QSER1: variants seen among roughly 807,000 people sequenced by gnomAD.
QSER1 encodes the protein glutamine and serine rich 1.
Under a neutral mutation model 158.5 loss-of-function variants are expected in QSER1, and 49 were observed. The observed-to-expected ratio is 0.31, with a 90% CI of 0.25 to 0.39. QSER1 has a LOEUF of 0.39. Ranked by LOEUF, QSER1 falls within the 10% of genes least tolerant of loss-of-function variation. The pLI, the probability that QSER1 is intolerant of heterozygous loss-of-function variation, is 1.00. For missense variants in QSER1, 1,754 were observed against 2,010.3 expected, an observed-to-expected ratio of 0.87 and a Z score of 2.44; for synonymous variants, 650 against 715.5, an observed-to-expected ratio of 0.91 and a Z score of 1.46.
At chr11:32,916,573 C>T (rs923728697) in intron 1 of QSER1, among the ~76,000 whole-genome samples, 1 of 152,042 alleles carries the variant, frequency 6.6e-6, no homozygotes, top group South Asian at 2.1e-4. Context: ...ACTGTACACA[C>T]CTAGGCTATA....
chr11:32,953,809 GT>G, intron 4 of QSER1, 47 bp from the exon 5 acceptor site: 1 of 1,544,658 alleles, frequency 6.5e-7, no homozygotes, highest in Non-Finnish European at 8.7e-7. Flanking sequence ...CAAAACAAGT[GT>G]TTAAATATTT....
intron 10 of QSER1, among the ~76,000 whole-genome samples, chr11:32,971,694 T>C (rs1370683280): frequency 2.0e-5 from 3 of 152,154 alleles, no homozygotes; most frequent in Non-Finnish European, 4.4e-5. Context: ...AAAAGTGTTA[T>C]TGTTTCTATC....
chr11:32,906,248 C>A (rs1851691530), intron 1 of QSER1, among the ~76,000 whole-genome samples: 1 of 151,512 alleles, frequency 6.6e-6, no homozygotes, highest in African/African-American at 2.4e-5. Context: ...TATGGTGAAA[C>A]CCTGTCTTTA....
intron 1 of QSER1, among the ~76,000 whole-genome samples, chr11:32,922,160 A>G (rs1461251015): frequency 2.0e-5 from 3 of 152,178 alleles, no homozygotes; most frequent in Admixed American, 6.5e-5. Context: ...AAAACAGAAA[A>G]TCTTTGAGAT....
At chr11:32,954,493 A>C (rs1434892490) in intron 5 of QSER1, among the ~76,000 whole-genome samples, 1 of 152,190 alleles carries the variant, frequency 6.6e-6, no homozygotes, top group East Asian at 1.9e-4. Flanking sequence ...GAAAATCGTT[A>C]TTTATATAAT....
chr11:32,936,241 A>T (rs992646036), intron 4 of QSER1, among the ~76,000 whole-genome samples: 1 of 130,302 alleles, frequency 7.7e-6, no homozygotes, highest in African/African-American at 3.0e-5. Context: ...TCCTGTGCCC[A>T]TGTGTTCTCA....
chr11:32,945,346 T>A (rs1014098674), intron 4 of QSER1, among the ~76,000 whole-genome samples: 85 of 152,196 alleles, frequency 5.6e-4, no homozygotes, highest in Non-Finnish European at 9.4e-4. Context: ...GGTCTTTACA[T>A]TTTGGCATGA....
rs970101932 is a variant in QSER1 at position 32,935,381 on chromosome 11, G to A, written c.4123G>A (p.Val1375Ile). 2.1e-5 allele frequency: 34 copies of A among 1,593,372 alleles called. No individual in the cohort carries two copies. The highest frequency in any genetic ancestry group is 4.5e-5 in the East Asian group (2 of 44,804). The change falls in exon 4 of 13, where the codon GTC (valine) becomes ATC (isoleucine). Residue 1375 changes from valine (V) to isoleucine (I), a missense_variant. By Grantham distance (29) the Val-to-Ile change is conservative. Around this residue, in one of 2 missense-constraint regions of QSER1, gnomAD observed 1,707 missense variants for 1,919.6 expected, o/e 0.89. Coordinates refer to ENST00000650167, the MANE Select transcript of QSER1 (RefSeq NM_001076786.3). ...ATATAGTCAAGATGCTTATAAAAGC[G>A]TCTCTACTCCCTTAACTACTTTGGA... ...PGYSQDAYKSVSTPLTTLDAT... is the reference protein window; with the variant it reads ...PGYSQDAYKSISTPLTTLDAT...
chr11:32,894,578 C>A (rs1258885634), intron 1 of QSER1, among the ~76,000 whole-genome samples: 2 of 152,204 alleles, frequency 1.3e-5, no homozygotes, highest in Non-Finnish European at 2.9e-5. Flanking sequence ...GTTCTACGTT[C>A]ATGATTGAGC....
intron 9 of QSER1, among the ~76,000 whole-genome samples, chr11:32,967,376 T>C (rs934805215): frequency 6.6e-6 from 1 of 152,124 alleles, no homozygotes; most frequent in Non-Finnish European, 1.5e-5. Flanking sequence ...TGGGGTACAA[T>C]GTACACTACT....
chr11:32,932,680 T>C lies in QSER1; in HGVS notation c.1422T>C (p.Gly474=). 6.2e-7 allele frequency: 1 copy of C among 1,614,122 alleles called. No homozygotes were observed. The highest frequency in any genetic ancestry group is 8.5e-7 in the Non-Finnish European group (1 of 1,180,000). Residue 474 remains glycine (G), a synonymous_variant, in exon 4 of 13, where the codon GGT becomes GGC. Coordinates refer to ENST00000650167, the MANE Select transcript of QSER1 (RefSeq NM_001076786.3). The stretch of plus-strand genomic sequence containing the variant: ...CAGTTAGTCAGTCCCAAAATTACGG[T>C]TTAGTACAGCCACATAATGTGCCAT... ...LLSVSQSQNY[G]LVQPHNVPSI...
rs759183920 is a variant in QSER1, at chr11:32,975,320, G to A, written c.5431G>A (p.Val1811Ile). The change falls in exon 12 of 13, where the codon GTT (valine) becomes ATT (isoleucine). Residue 1811 changes from valine (V) to isoleucine (I), a missense_variant. Transcript: ENST00000650167. ...YHSLHHYKYHVYLICKDEISS... is the reference protein window; with the variant it reads ...YHSLHHYKYHIYLICKDEISS... ...TTCACTCCATCATTATAAGTACCAT[G>A]TTTATCTGATATGTAAGGATGAGGT... 4.4e-6 allele frequency: 7 copies of A among 1,596,318 alleles called. No individual in the cohort carries two copies. The highest frequency in any genetic ancestry group is 6.0e-6 in the Non-Finnish European group (7 of 1,164,878).
chr11:32,908,176 C>T (rs1380476151), intron 1 of QSER1, among the ~76,000 whole-genome samples: 1 of 152,092 alleles, frequency 6.6e-6, no homozygotes. Context: ...AAAATCTTGT[C>T]TTTGTCCAGA....
rs150493160 is a variant in QSER1 at position 32,929,922 on chromosome 11, C to G, written c.484+1799C>G. On this transcript the variant is annotated intron_variant, in intron 3 of 12. Coordinates refer to ENST00000650167, the MANE Select transcript of QSER1 (RefSeq NM_001076786.3). Reference sequence around the variant, plus strand: ...AGCTCCTTACTACCACTTTAAGCCCCAGATATTCTCTGTCCTTTCTAACTA... The same window carrying G: ...AGCTCCTTACTACCACTTTAAGCCCGAGATATTCTCTGTCCTTTCTAACTA... Among the ~76,000 whole-genome samples, 116 of 152,266 alleles carry G rather than the reference C, an allele frequency of 7.6e-4. 1 individual carries two copies. The Middle Eastern group carries it at 0.01, about 13-fold the overall frequency.
rs773817769 is a variant in QSER1, at chr11:32,933,784, G to A, written c.2526G>A (p.Gly842=). The A allele has an allele frequency of 1.2e-6, 2 of 1,613,944 alleles. No homozygotes were observed. Among genetic ancestry groups the A allele is most frequent in the Non-Finnish European group, 1.7e-6 (2 of 1,179,960 alleles). The part of the protein sequence containing the change: ...SQIQIPNHAL[G]HGHQASLPNT... ...TTCAAATTCCAAATCATGCTTTAGG[G>A]CATGGCCATCAGGCATCTCTTCCTA... Residue 842 remains glycine (G), a synonymous_variant, in exon 4 of 13, where the codon GGG becomes GGA. Coordinates refer to ENST00000650167, the MANE Select transcript of QSER1 (RefSeq NM_001076786.3).
rs1853008993 is a variant in QSER1 at position 32,978,120 on chromosome 11, T to C, written c.*1646T>C. The C allele has an allele frequency of 6.5e-6, 1 of 152,672 alleles. No homozygotes were observed. Among genetic ancestry groups the C allele is most frequent in the Non-Finnish European group, 1.5e-5 (1 of 68,044 alleles). The allele number at this position is 152,672 out of a possible 1,614,324, so 9.5% of individuals were successfully genotyped here. ...TATTAAAAGCAATAATCCTTAATAC[T>C]GTACTTGCCATTAGACTAGGTACTC... is the stretch of plus-strand genomic sequence containing the variant. On this transcript the variant is annotated 3_prime_UTR_variant, in exon 13 of 13. Transcript: ENST00000650167.
intron 4 of QSER1, among the ~76,000 whole-genome samples, chr11:32,942,008 C>T (rs1481848908): frequency 1.3e-5 from 2 of 150,710 alleles, no homozygotes; most frequent in African/African-American, 4.9e-5. Context: ...TTTCATGTGT[C>T]TTTTGGCTGC....
chr11:32,915,043 C>T (rs1378432677), intron 1 of QSER1, among the ~76,000 whole-genome samples: 1 of 152,076 alleles, frequency 6.6e-6, no homozygotes, highest in East Asian at 1.9e-4. Flanking sequence ...CCTTAGCCCC[C>T]CTGAGTAGCT....
chr11:32,979,005 T>C lies in QSER1; in HGVS notation c.*2531T>C, dbSNP rs1853027147. Reference sequence around the variant, plus strand: ...CATAGCCCACAACGTACCCAGGCTATATGGTAAACCTGTACAGCATGTTAC... The same window carrying C: ...CATAGCCCACAACGTACCCAGGCTACATGGTAAACCTGTACAGCATGTTAC... On this transcript the variant is annotated 3_prime_UTR_variant, in exon 13 of 13. Transcript: ENST00000650167. 6.6e-6 allele frequency: 1 copy of C among 152,244 alleles called. No individual in the cohort carries two copies. The highest frequency in any genetic ancestry group is 1.5e-5 in the Non-Finnish European group (1 of 68,044). The allele number at this position is 152,244 out of a possible 1,614,324, so 9.4% of individuals were successfully genotyped here. A position where few individuals can be genotyped will look rare whatever the true frequency, so the allele number is the denominator to read the frequency against.
Sources: allele counts gnomAD v4.1 joint callset (sites outside exome capture counted in the v4.1 genomes callset), GRCh38; gene constraint gnomAD v4.1.1; regional missense constraint gnomAD v4.1.1; transcripts MANE v1.5; gene names NCBI Gene and HGNC (gene_info 2026-07-23, HGNC 2026-07-21).